The following GALNT14 variants were observed in gnomAD, a reference collection of about 807,000 sequenced individuals.
GALNT14 encodes the protein UDP-GalNAc:polypeptide N-acetylgalactosaminyltransferase 14.
GALNT14 carries 60 observed loss-of-function variants against 77.5 expected under a neutral mutation model. The observed-to-expected ratio is 0.77, with a 90% CI of 0.63 to 0.96. The LOEUF is 0.96. Among genes scored for constraint, GALNT14 ranks in the 40% least tolerant of loss-of-function variants. The probability of loss-of-function intolerance (pLI) is 0.00; values close to 1 mark genes in which losing one functional copy is unlikely to be tolerated. For missense variants in GALNT14, 710 were observed against 731.0 expected (o/e 0.97, Z 0.33); for synonymous variants, 280 against 281.7 (o/e 0.99, Z 0.06).
chr2:31,040,441 G>C (rs58823999), intron 1 of GALNT14, among the ~76,000 whole-genome samples: 2,454 of 152,250 alleles, frequency 0.016, 69 homozygotes, highest in African/African-American at 0.054. Context: ...TCTTGAGAAG[G>C]GTCCCTGAGG....
the GALNT14 span, among the ~76,000 whole-genome samples, chr2:30,890,991 G>T: frequency 6.6e-6 from 1 of 152,206 alleles, no homozygotes; most frequent in Non-Finnish European, 1.5e-5. Context: ...GAAAAGTCAT[G>T]CTGGGAGGAT....
At chr2:30,955,837 A>AAC in intron 5 of GALNT14, 75 bp downstream of exon 5, 5 of 1,607,146 alleles carry the variant, frequency 3.1e-6, no homozygotes, top group Admixed American at 3.3e-5. Context: ...TGATCACCCC[A>AAC]ACACACACAC....
chr2:31,090,733 C>T (rs201247577), intron 1 of GALNT14, among the ~76,000 whole-genome samples: 2 of 151,780 alleles, frequency 1.3e-5, no homozygotes, highest in Non-Finnish European at 2.9e-5. Flanking sequence ...CCACCCGCTT[C>T]GGCCTCCCAA....
intron 2 of GALNT14, among the ~76,000 whole-genome samples, chr2:30,986,630 G>A (rs1025450517): frequency 2.6e-5 from 4 of 152,114 alleles, no homozygotes; most frequent in African/African-American, 9.7e-5. Flanking sequence ...TAAAGGTAAT[G>A]GCAAAAAACG....
intron 1 of GALNT14, among the ~76,000 whole-genome samples, chr2:31,106,452 C>A (rs2148619761): frequency 6.6e-6 from 1 of 152,246 alleles, no homozygotes; most frequent in East Asian, 1.9e-4. Context: ...ATGTTCCACA[C>A]TGCATTTTCC....
chr2:31,097,766 T>C (rs1265944471), intron 1 of GALNT14, among the ~76,000 whole-genome samples: 2 of 152,142 alleles, frequency 1.3e-5, no homozygotes, highest in African/African-American at 4.8e-5. Flanking sequence ...TGAAGATCCC[T>C]GTCCTGTTTG....
At chr2:31,115,774 C>T (rs1226791901) in intron 1 of GALNT14, among the ~76,000 whole-genome samples, 1 of 152,160 alleles carries the variant, frequency 6.6e-6, no homozygotes, top group Non-Finnish European at 1.5e-5. Flanking sequence ...TACTAGGCTG[C>T]TGCCAGGCAC....
intron 1 of GALNT14, among the ~76,000 whole-genome samples, chr2:31,016,464 C>T (rs79154536): frequency 0.024 from 3,615 of 152,208 alleles, 132 homozygotes; most frequent in African/African-American, 0.083. Context: ...TTCCTAGAAA[C>T]TGGGACTAAA....
the GALNT14 span, among the ~76,000 whole-genome samples, chr2:30,898,196 C>G: frequency 6.6e-6 from 1 of 152,096 alleles, no homozygotes; most frequent in African/African-American, 2.4e-5. Context: ...AGAAAGTGGG[C>G]CCTCATCAGA....
chr2:31,138,073 G>C lies in GALNT14; in HGVS notation c.14C>G (p.Thr5Ser), dbSNP rs1679309168. Residue 5 changes from threonine (T) to serine (S), a missense_variant, in exon 1 of 15, where the codon ACT becomes AGT. Transcript: ENST00000349752. MRRL[T>S]RRLVLPVFGV... ...GAAGACTGGCAGAACCAGCCGACGAGTCAGGCGCCGCATGGTCCCCTTTGC... is the reference window on the plus strand; with the variant it reads ...GAAGACTGGCAGAACCAGCCGACGACTCAGGCGCCGCATGGTCCCCTTTGC... The C allele has an allele frequency of 6.2e-7, 1 of 1,613,638 alleles. No individual in the cohort carries two copies. Among genetic ancestry groups the C allele is most frequent in the African/African-American group, 1.3e-5 (1 of 74,930 alleles).
At chr2:31,005,169 CATT>C (rs1160077062) in intron 1 of GALNT14, among the ~76,000 whole-genome samples, 3 of 152,196 alleles carry the variant, frequency 2.0e-5, no homozygotes, top group Admixed American at 6.5e-5. Flanking sequence ...TCATAGTAAA[CATT>C]ATGCATTTGT....
chr2:30,909,395 C>T (rs1417375979), downstream of GALNT14, among the ~76,000 whole-genome samples: 5 of 151,812 alleles, frequency 3.3e-5, no homozygotes, highest in Non-Finnish European at 7.4e-5. Context: ...AAAAAGTGGG[C>T]GAAGGACATG....
At chr2:31,058,723 T>C (rs1674397284) in intron 1 of GALNT14, among the ~76,000 whole-genome samples, 1 of 152,156 alleles carries the variant, frequency 6.6e-6, no homozygotes, top group African/African-American at 2.4e-5. Context: ...AGACCTTTCA[T>C]ACACAACGTC....
chr2:30,966,083 G>T, intron 3 of GALNT14, 121 bp downstream of exon 3: 2 of 687,688 alleles, frequency 2.9e-6, no homozygotes, highest in Non-Finnish European at 2.6e-6. Context: ...ATAGAATAGT[G>T]CCTGGCACGT....
At chr2:31,104,389 C>T (rs1232317486) in intron 1 of GALNT14, among the ~76,000 whole-genome samples, 1 of 152,082 alleles carries the variant, frequency 6.6e-6, no homozygotes, top group Non-Finnish European at 1.5e-5. Flanking sequence ...ATGTTCCCAT[C>T]ATCTCTAAAT....
At chr2:30,892,286 CAAAG>C in the GALNT14 span, among the ~76,000 whole-genome samples, 1 of 151,988 alleles carries the variant, frequency 6.6e-6, no homozygotes, top group South Asian at 2.1e-4. Context: ...ATCTAACAAT[CAAAG>C]AAATAGTATA....
chr2:31,123,596 A>C (rs997892559), intron 1 of GALNT14, among the ~76,000 whole-genome samples: 6 of 152,012 alleles, frequency 3.9e-5, no homozygotes, highest in African/African-American at 1.5e-4. Flanking sequence ...ACTTTAAAAG[A>C]CCTCCCTAAA....
chr2:30,974,661 C>A (rs1453165856), intron 2 of GALNT14, among the ~76,000 whole-genome samples: 2 of 152,230 alleles, frequency 1.3e-5, no homozygotes, highest in Non-Finnish European at 2.9e-5. Flanking sequence ...GAAGTTACTT[C>A]CCCTGGGAAG....
At chr2:31,074,538 C>T (rs1675635395) in intron 1 of GALNT14, among the ~76,000 whole-genome samples, 2 of 152,126 alleles carry the variant, frequency 1.3e-5, no homozygotes, top group Non-Finnish European at 2.9e-5. Flanking sequence ...GGGCAGCTTA[C>T]AGGTCTGCCT....
Sources: gnomAD v4.1 joint callset for allele counts (sites outside exome capture counted in the v4.1 genomes callset) on GRCh38, gnomAD v4.1.1 for gene constraint, MANE v1.5 for transcripts, NCBI Gene and HGNC (gene_info 2026-07-23, HGNC 2026-07-21) for gene names.